The following NBAS variants were observed in gnomAD, a reference collection of about 807,000 sequenced individuals.
NBAS encodes the protein NBAS subunit of NRZ tethering complex.
A neutral mutation model predicts 302.5 loss-of-function variants in NBAS; 219 were observed. The observed-to-expected ratio is 0.72, with a 90% confidence interval of 0.65 to 0.81. The LOEUF (loss-of-function observed/expected upper bound fraction) is 0.81, where lower values mean the gene tolerates loss of function less well. Ranked by LOEUF, NBAS falls within the 30% of genes least tolerant of loss-of-function variation. The pLI, the probability that NBAS is intolerant of heterozygous loss-of-function variation, is 0.00. For missense variants in NBAS, 2,932 were observed against 2,841.6 expected (o/e 1.03, Z -0.72); for synonymous variants, 1,118 against 1,021.6 (o/e 1.09, Z -1.80).
At chr2:15,553,859 C>CCTCCCTCT (rs1253233908) in intron 4 of NBAS, among the ~76,000 whole-genome samples, 959 of 95,724 alleles carry the variant, frequency 0.01, 20 homozygotes, top group African/African-American at 0.032. Context: ...TCTCTCCCTC[C>CCTCCCTCT]CTCCCTCTCT....
the NBAS span, among the ~76,000 whole-genome samples, chr2:14,961,636 C>T: frequency 1.3e-5 from 2 of 152,074 alleles, no homozygotes; most frequent in East Asian, 1.9e-4. Flanking sequence ...CAACACAAAT[C>T]GACTGACATA....
At chr2:15,134,056 T>TCTCTCTCTCTC in the NBAS span, among the ~76,000 whole-genome samples, 3 of 145,666 alleles carry the variant, frequency 2.1e-5, no homozygotes, top group Admixed American at 6.8e-5. Context: ...GAACATTTCT[T>TCTCTCTCTCTC]TCTCTCTCTC....
intron 12 of NBAS, among the ~76,000 whole-genome samples, chr2:15,481,738 G>A (rs1411817522): frequency 3.3e-5 from 5 of 152,288 alleles, no homozygotes; most frequent in Admixed American, 1.3e-4. Context: ...TGAAGCAACC[G>A]AAAGGGCCTC....
chr2:15,539,967 TTAA>T (rs1439189098), intron 6 of NBAS, among the ~76,000 whole-genome samples: 1 of 152,058 alleles, frequency 6.6e-6, no homozygotes, highest in Non-Finnish European at 1.5e-5. Context: ...AATCAACAAC[TTAA>T]TAATTCTAAT....
the NBAS span, among the ~76,000 whole-genome samples, chr2:15,133,978 A>AT: frequency 1.3e-5 from 2 of 151,936 alleles, no homozygotes; most frequent in African/African-American, 4.8e-5. Context: ...ATTGTGAGAC[A>AT]TCCCCACTTC....
chr2:14,893,877 G>T, the NBAS span, among the ~76,000 whole-genome samples: 1 of 152,134 alleles, frequency 6.6e-6, no homozygotes, highest in African/African-American at 2.4e-5. Flanking sequence ...GCTTCCCATT[G>T]TTGCCAGTCT....
chr2:15,430,412 A>G (rs1478562827), intron 21 of NBAS, among the ~76,000 whole-genome samples: 1 of 152,184 alleles, frequency 6.6e-6, no homozygotes, highest in Non-Finnish European at 1.5e-5. Flanking sequence ...TATTACTACT[A>G]CTACTGCTGC....
At chr2:15,021,574 C>T in the NBAS span, among the ~76,000 whole-genome samples, 1 of 152,160 alleles carries the variant, frequency 6.6e-6, no homozygotes. Context: ...TGTCTCCAGT[C>T]TGGTCAGGAA....
intron 15 of NBAS, 61 bp from the exon 16 acceptor site, chr2:15,473,408 T>C (rs1398949739): frequency 1.3e-6 from 2 of 1,591,066 alleles, no homozygotes; most frequent in Admixed American, 1.7e-5. Flanking sequence ...AGGGTCCTGA[T>C]GATGATACAA....
chr2:14,782,825 A>C, the NBAS span, among the ~76,000 whole-genome samples: 232 of 152,350 alleles, frequency 1.5e-3, 1 homozygote, highest in African/African-American at 5.2e-3. Flanking sequence ...ATAGAGCTGG[A>C]GGCCATTATC....
the NBAS span, among the ~76,000 whole-genome samples, chr2:14,805,817 G>A: frequency 2.7e-4 from 41 of 152,094 alleles, no homozygotes; most frequent in Non-Finnish European, 5.4e-4. Context: ...TTTGGAAAAC[G>A]CCCATTGATC....
At chr2:15,483,658 T>C (rs1680516578) in intron 12 of NBAS, among the ~76,000 whole-genome samples, 1 of 152,182 alleles carries the variant, frequency 6.6e-6, no homozygotes, top group African/African-American at 2.4e-5. Flanking sequence ...AACTCAAAAC[T>C]GGATATTAGT....
rs192621129 is a variant in NBAS at position 15,235,131 on chromosome 2, G to A, written c.5944-384C>T. 3.3e-5 allele frequency among the ~76,000 whole-genome samples: 5 copies of A among 152,250 alleles called. No homozygotes were observed. The East Asian group carries it at 5.8e-4, about 18-fold the overall frequency. On this transcript the variant is annotated intron_variant, in intron 45 of 51. Coordinates refer to ENST00000281513, the MANE Select transcript of NBAS (RefSeq NM_015909.4). ...TATGAGCTTTTCTATTATTACTAAC[G>A]CACTACGACCACATAATAATCTATT...
At chr2:14,926,748 C>T in the NBAS span, among the ~76,000 whole-genome samples, 2 of 152,168 alleles carry the variant, frequency 1.3e-5, no homozygotes. Context: ...AAACCCTGTA[C>T]CCATGAAACA....
intron 21 of NBAS, among the ~76,000 whole-genome samples, chr2:15,439,202 C>T (rs1168216357): frequency 6.6e-6 from 1 of 150,782 alleles, no homozygotes; most frequent in Admixed American, 6.6e-5. Context: ...ACTTGGGAGG[C>T]TGAGGCAGGA....
the NBAS span, among the ~76,000 whole-genome samples, chr2:15,112,866 T>C: frequency 1.3e-5 from 2 of 152,154 alleles, no homozygotes; most frequent in African/African-American, 4.8e-5. Context: ...TTTATTCAAA[T>C]GAGATCTGAG....
At chr2:15,117,687 T>C in the NBAS span, among the ~76,000 whole-genome samples, 1 of 152,230 alleles carries the variant, frequency 6.6e-6, no homozygotes, top group Non-Finnish European at 1.5e-5. Context: ...CCTAAGCTTA[T>C]TGTTCATGGA....
chr2:15,491,564 G>A (rs1281630755), intron 11 of NBAS, among the ~76,000 whole-genome samples: 3 of 151,848 alleles, frequency 2.0e-5, no homozygotes, highest in East Asian at 1.9e-4. Flanking sequence ...GTGAAACCCC[G>A]TCTCTACTAA....
chr2:15,439,997 A>T (rs997892268), intron 21 of NBAS, among the ~76,000 whole-genome samples: 1 of 152,236 alleles, frequency 6.6e-6, no homozygotes, highest in East Asian at 1.9e-4. Flanking sequence ...TAAACAAAGC[A>T]GGCGGGAAGC....
Sources: allele counts gnomAD v4.1 joint callset (sites outside exome capture counted in the v4.1 genomes callset), GRCh38; gene constraint gnomAD v4.1.1; transcripts MANE v1.5; gene names NCBI Gene and HGNC (gene_info 2026-07-23, HGNC 2026-07-21).